ARHGEF37: variants seen among roughly 807,000 people sequenced by gnomAD.
ARHGEF37 encodes the protein Rho guanine nucleotide exchange factor 37.
Under a neutral mutation model 71.1 loss-of-function variants are expected in ARHGEF37, and 55 were observed. That is an observed-to-expected ratio of 0.77 (90% CI 0.62 to 0.97). The LOEUF is 0.97. ARHGEF37 is among the 50% of genes least tolerant of loss of function. The pLI is 0.00. For synonymous variants in ARHGEF37, 327 were observed against 350.6 expected (o/e 0.93, Z 0.75); for missense variants, 765 against 836.8 (o/e 0.91, Z 1.06).
At chr5:149,565,829 ATTTTTTTTTTTTT>A (rs201683478) in intron 1 of ARHGEF37, among the ~76,000 whole-genome samples, 29 of 84,572 alleles carry the variant, frequency 3.4e-4, no homozygotes, top group Admixed American at 2.2e-3. Flanking sequence ...AGAAACTCTA[ATTTTTTTTTTTTT>A]TTTTTTTTTT....
At chr5:149,612,908 A>T in intron 4 of ARHGEF37, among the ~76,000 whole-genome samples, 1 of 152,222 alleles carries the variant, frequency 6.6e-6, no homozygotes, top group Non-Finnish European at 1.5e-5. Context: ...TTTGGGTAGG[A>T]TGTTCATTCT....
chr5:149,582,486 G>T (rs1763130160), intron 1 of ARHGEF37, among the ~76,000 whole-genome samples: 1 of 152,142 alleles, frequency 6.6e-6, no homozygotes, highest in Admixed American at 6.6e-5. Context: ...TGTAGACGGG[G>T]GATGAGAGTG....
chr5:149,581,411 A>T (rs1763102673), upstream of ARHGEF37: 1 of 152,196 alleles, frequency 6.6e-6, no homozygotes, highest in Non-Finnish European at 1.5e-5. Flanking sequence ...AAAGACAATT[A>T]ACAAAGGCTG....
chr5:149,614,190 C>T (rs540807313), intron 4 of ARHGEF37, among the ~76,000 whole-genome samples: 36 of 152,172 alleles, frequency 2.4e-4, no homozygotes, highest in Non-Finnish European at 4.9e-4. Context: ...AATAGAGTCA[C>T]TGAACAACTT....
chr5:149,579,625 A>G (rs1326647761), upstream of ARHGEF37, among the ~76,000 whole-genome samples: 2 of 152,088 alleles, frequency 1.3e-5, no homozygotes, highest in African/African-American at 4.8e-5. Context: ...TCTGTCGCCC[A>G]GGCTGGAGTG....
intron 1 of ARHGEF37, among the ~76,000 whole-genome samples, chr5:149,566,627 A>T (rs1762903730): frequency 6.6e-6 from 1 of 152,126 alleles, no homozygotes; most frequent in African/African-American, 2.4e-5. Flanking sequence ...GAAACTAAGT[A>T]TTAAGACAGG....
At chr5:149,618,645 A>C (rs1452136775) in intron 6 of ARHGEF37, among the ~76,000 whole-genome samples, 3 of 152,230 alleles carry the variant, frequency 2.0e-5, no homozygotes, top group African/African-American at 7.2e-5. Context: ...ACACAATGAA[A>C]TAAGTGTTCC....
intron 4 of ARHGEF37, among the ~76,000 whole-genome samples, chr5:149,612,222 C>T (rs899577627): frequency 6.6e-6 from 1 of 152,234 alleles, no homozygotes; most frequent in East Asian, 1.9e-4. Context: ...GGCTGGAGTG[C>T]AGTGGCGCGA....
Position 149,597,959 on chromosome 5 carries a change from C to T in ARHGEF37, c.186+4C>T. On this transcript the variant is annotated splice_donor_region_variant and intron_variant, in intron 2 of 12. Transcript: ENST00000333677. ...CATCAGGAGCCGCCTCCAGCAGGTA[C>T]TTGGGTGGGGTCACACACAACCTGT... 6.3e-7 allele frequency: 1 copy of T among 1,577,872 alleles called. No individual in the cohort carries two copies. Among genetic ancestry groups the T allele is most frequent in the Non-Finnish European group, 8.6e-7 (1 of 1,163,020 alleles).
intron 1 of ARHGEF37, among the ~76,000 whole-genome samples, chr5:149,565,301 A>G (rs1042429346): frequency 6.6e-6 from 1 of 152,208 alleles, no homozygotes; most frequent in Non-Finnish European, 1.5e-5. Flanking sequence ...CCGATGAGCC[A>G]TGACAGCAGA....
At chr5:149,582,593 G>C (rs1194035895) in intron 1 of ARHGEF37, among the ~76,000 whole-genome samples, 4 of 152,122 alleles carry the variant, frequency 2.6e-5, no homozygotes, top group African/African-American at 9.7e-5. Context: ...GACGATTATA[G>C]GGTGACTATA....
intron 1 of ARHGEF37, among the ~76,000 whole-genome samples, chr5:149,589,680 A>G (rs1424262870): frequency 1.3e-5 from 2 of 151,958 alleles, no homozygotes; most frequent in Non-Finnish European, 2.9e-5. Context: ...TTGTATTTTT[A>G]GTAGAGACAG....
At chr5:149,615,657 C>T (rs904794287) in intron 4 of ARHGEF37, among the ~76,000 whole-genome samples, 8 of 151,840 alleles carry the variant, frequency 5.3e-5, no homozygotes, top group East Asian at 3.9e-4. Flanking sequence ...TTTGGGAGGC[C>T]GAGGCGGGCA....
At chr5:149,568,054 C>G (rs924492552) in intron 1 of ARHGEF37, among the ~76,000 whole-genome samples, 2 of 150,364 alleles carry the variant, frequency 1.3e-5, no homozygotes, top group African/African-American at 4.9e-5. Flanking sequence ...TGCACACGTA[C>G]TTTTTTTTTT....
intron 7 of ARHGEF37, 58 bp from the exon 8 acceptor site, chr5:149,620,296 C>T (rs1752500433): frequency 7.8e-7 from 1 of 1,287,704 alleles, no homozygotes; most frequent in Non-Finnish European, 1.1e-6. Flanking sequence ...AAGGGGATTC[C>T]AGCGTAAGAT....
chr5:149,551,856 C>A (rs193195659), upstream of ARHGEF37: 1 of 152,366 alleles, frequency 6.6e-6, no homozygotes, highest in Non-Finnish European at 1.5e-5. Flanking sequence ...CCGGCCTATT[C>A]CAACCCAGTT....
rs1398922785 is a variant in ARHGEF37 at position 149,628,910 on chromosome 5, T to A, written c.1762T>A (p.Cys588Ser). 1 of 1,613,388 alleles carries A rather than the reference T, an allele frequency of 6.2e-7. No individual in the cohort carries two copies. Among genetic ancestry groups the A allele is most frequent in the Non-Finnish European group, 8.5e-7 (1 of 1,180,020 alleles). ...GGCGGGGCTGAACAAAGACCCCCGA[T>A]GTCTAACACCGGAGCCCAGCCCAGC... Reference protein sequence around the residue: ...RQAGLNKDPRCLTPEPSPALV... With the variant: ...RQAGLNKDPRSLTPEPSPALV... The change falls in exon 12 of 13, where the codon TGT becomes AGT. Residue 588 changes from cysteine to serine, a missense_variant. Physicochemically the swap from Cys to Ser is moderately radical, Grantham distance 112 (BLOSUM62 -1). Transcript: ENST00000333677.
chr5:149,575,026 A>G (rs537013423), intron 1 of ARHGEF37, among the ~76,000 whole-genome samples: 19 of 152,288 alleles, frequency 1.2e-4, no homozygotes, highest in African/African-American at 4.1e-4. Flanking sequence ...CTCATTCTTC[A>G]ATGGCTCCCC....
At chr5:149,576,624 C>T (rs577808704), upstream of ARHGEF37, among the ~76,000 whole-genome samples, 3 of 152,230 alleles carry the variant, frequency 2.0e-5, no homozygotes, top group South Asian at 2.1e-4. Context: ...CCACCACGCC[C>T]GGCCAACCAA....
Sources: gnomAD v4.1 joint callset for allele counts (sites outside exome capture counted in the v4.1 genomes callset) on GRCh38, gnomAD v4.1.1 for gene constraint, MANE v1.5 for transcripts, NCBI Gene and HGNC (gene_info 2026-07-23, HGNC 2026-07-21) for gene names.